The following NDUFB11 variants were observed in gnomAD, a reference collection of about 807,000 sequenced individuals.
NDUFB11 encodes the protein NADH:ubiquinone oxidoreductase subunit B11.
For missense variants in NDUFB11, 108 were observed against 133.8 expected (o/e 0.81, Z 0.95); for synonymous variants, 51 against 57.4 (o/e 0.89, Z 0.51).
chrX:47,144,446 A>ACCCCCCCTCCCCCCC, intron 1 of NDUFB11, 27 bp downstream of exon 1: 1 of 53,658 alleles, frequency 1.9e-5, no homozygotes, highest in Non-Finnish European at 3.3e-5. Flanking sequence ...CGTCCCCACT[A>ACCCCCCCTCCCCCCC]CCCCCCCCCC....
upstream of NDUFB11, chrX:47,144,973 A>C: frequency 3.3e-6 from 1 of 306,494 alleles, no homozygotes. Context: ...TTCCCAGCCA[A>C]TCGCCCCGAG....
chrX:47,142,520 T>C lies in NDUFB11; in HGVS notation c.339-80A>G, dbSNP rs958649902. The C allele has an allele frequency of 7.5e-6, 9 of 1,203,913 alleles. No homozygotes were observed. The South Asian group carries it at 1.3e-4, about 17-fold the overall frequency. ...CCTCATCTCAGCTCCCCATTCCCAA[T>C]GGTGCAGGAACAAAACTCCTGGCAG... On this transcript the variant is annotated intron_variant, in intron 2 of 2. Coordinates refer to ENST00000377811, the MANE Select transcript of NDUFB11 (RefSeq NM_001135998.3).
At chrX:47,145,269 T>G, upstream of NDUFB11, 2 of 511,644 alleles carry the variant, frequency 3.9e-6, no homozygotes, top group Non-Finnish European at 6.8e-6. Context: ...GTCGTCGCCA[T>G]TTTGAGCTGG....
At chrX:47,145,488 G>A (rs1556761639), upstream of NDUFB11, 2 of 1,153,819 alleles carry the variant, frequency 1.7e-6, no homozygotes, top group Non-Finnish European at 1.1e-6. Context: ...CCGAGAAGGT[G>A]AGCGTCGACG....
At position 47,142,291 on chromosome X, in the gene NDUFB11, C is replaced by T; in HGVS notation, c.*26G>A. ...CAGGCAGGGGGTGGGGAAGGCGGTG[C>T]TTCTTGAGCCCCACTTAGCAACTGG... On this transcript the variant is annotated 3_prime_UTR_variant, in exon 3 of 3. Coordinates refer to ENST00000377811, the MANE Select transcript of NDUFB11 (RefSeq NM_001135998.3). 2 of 1,200,081 alleles carry T rather than the reference C, an allele frequency of 1.7e-6. No individual in the cohort carries two copies. Among genetic ancestry groups the T allele is most frequent in the Non-Finnish European group, 2.2e-6 (2 of 891,527 alleles).
rs782584749 is a variant in NDUFB11, at chrX:47,142,470, G to C, written c.339-30C>G. The C allele has an allele frequency of 5.8e-6, 7 of 1,208,212 alleles. No individual in the cohort carries two copies. In the African/African-American group the frequency reaches 1.2e-4, roughly 21 times the overall value. ...TAGTGCAAATAGCAGGGGTAGACGT[G>C]AGGGAGCCTCAACTGATACCAATCC... On this transcript the variant is annotated intron_variant, in intron 2 of 2. Transcript: ENST00000377811.
Position 47,142,310 on chromosome X carries a change from C to T in NDUFB11, c.*7G>A. On this transcript the variant is annotated 3_prime_UTR_variant, in exon 3 of 3. Transcript: ENST00000377811. ...GCGGTGCTTCTTGAGCCCCACTTAG[C>T]AACTGGTCACTCATCCTCTGGCAGC... 8.3e-7 allele frequency: 1 copy of T among 1,206,371 alleles called. No homozygotes were observed. The highest frequency in any genetic ancestry group is 1.1e-6 in the Non-Finnish European group (1 of 893,671).
intron 1 of NDUFB11, 25 bp downstream of exon 1, chrX:47,144,448 C>CA: frequency 6.8e-5 from 1 of 14,716 alleles, no homozygotes; most frequent in Non-Finnish European, 1.4e-4. Context: ...TCCCCACTAC[C>CA]CCCCCCCCCC....
chrX:47,142,820 TC>T, intron 1 of NDUFB11, 76 bp from the exon 2 acceptor site: 1 of 1,059,602 alleles, frequency 9.4e-7, no homozygotes, highest in Non-Finnish European at 1.3e-6. Flanking sequence ...TAACTTGGTC[TC>T]CATGTGCCCC....
upstream of NDUFB11, chrX:47,144,702 CAG>C (rs1931969170): frequency 1.8e-6 from 2 of 1,118,336 alleles, no homozygotes; most frequent in Non-Finnish European, 1.2e-6. Flanking sequence ...TGCAGGGTCT[CAG>C]GGGCGGGGAA....
chrX:47,144,446 A>ACCCCC lies in NDUFB11; in HGVS notation c.207+22_207+26dup, dbSNP rs374822796. 24 of 53,806 alleles carry ACCCCC rather than the reference A, an allele frequency of 4.5e-4. 7 individuals are homozygous for ACCCCC. The highest frequency in any genetic ancestry group is 1.1e-3 in the African/African-American group (3 of 2,842). The allele number at this position is 53,806 out of a possible 1,213,427, so 4.4% of individuals were successfully genotyped here. A position where few individuals can be genotyped will look rare whatever the true frequency, so the allele number is the denominator to read the frequency against. On this transcript the variant is annotated intron_variant, in intron 1 of 2. Coordinates refer to ENST00000377811, the MANE Select transcript of NDUFB11 (RefSeq NM_001135998.3). ...ACCCCTTCGGGGTTCCGTCCCCACT[A>ACCCCC]CCCCCCCCCCCCCCCCCGCCTCTCA...
At position 47,142,444 on chromosome X, in the gene NDUFB11, G is replaced by A; in HGVS notation, c.339-4C>T. 8.3e-7 allele frequency: 1 copy of A among 1,211,741 alleles called. No individual in the cohort carries two copies. The highest frequency in any genetic ancestry group is 2.2e-5 in the Admixed American group (1 of 46,046). On this transcript the variant is annotated splice_region_variant and splice_polypyrimidine_tract_variant and intron_variant, in intron 2 of 2. Transcript: ENST00000377811. ...GCGGCGGGACCACTCTTTCATCCTG[G>A]TAGTGCAAATAGCAGGGGTAGACGT...
upstream of NDUFB11, chrX:47,144,803 T>A: frequency 1.4e-6 from 1 of 699,925 alleles, no homozygotes; most frequent in South Asian, 3.8e-5. Flanking sequence ...CAGATCTGAT[T>A]TGGTTTTCCA....
intron 1 of NDUFB11, 102 bp downstream of exon 1, chrX:47,144,371 T>C (rs1363115767): frequency 1.6e-6 from 1 of 630,808 alleles, no homozygotes; most frequent in Non-Finnish European, 2.2e-6. Context: ...CGCAGTCCTC[T>C]ACTGCCTAAG....
At position 47,142,316 on chromosome X, in the gene NDUFB11, G is replaced by T; in HGVS notation, c.*1C>A. The stretch of plus-strand genomic sequence containing the variant: ...CTTCTTGAGCCCCACTTAGCAACTG[G>T]TCACTCATCCTCTGGCAGCTGGATC... On this transcript the variant is annotated 3_prime_UTR_variant, in exon 3 of 3. Coordinates refer to ENST00000377811, the MANE Select transcript of NDUFB11 (RefSeq NM_001135998.3). 1.7e-6 allele frequency: 2 copies of T among 1,207,645 alleles called. No homozygotes were observed. Among genetic ancestry groups the T allele is most frequent in the Non-Finnish European group, 2.2e-6 (2 of 894,096 alleles).
At chrX:47,144,128 T>TAAA (rs781935812) in intron 1 of NDUFB11, among the ~76,000 whole-genome samples, 2 of 86,409 alleles carry the variant, frequency 2.3e-5, no homozygotes, top group African/African-American at 8.4e-5. Flanking sequence ...CTCGTCCCTA[T>TAAA]AAAAAAAAAA....
At chrX:47,144,811 C>G, upstream of NDUFB11, 2 of 646,315 alleles carry the variant, frequency 3.1e-6, no homozygotes, top group Non-Finnish European at 4.4e-6. Context: ...ATTTGGTTTT[C>G]CAATGAGGCG....
chrX:47,144,710 G>A, upstream of NDUFB11: 1 of 1,107,757 alleles, frequency 9.0e-7, no homozygotes, highest in African/African-American at 1.8e-5. Flanking sequence ...CTCAGGGGCG[G>A]GGAAAGAAAT....
intron 1 of NDUFB11, among the ~76,000 whole-genome samples, chrX:47,143,876 G>A (rs1556760906): frequency 8.9e-6 from 1 of 112,049 alleles, no homozygotes; most frequent in East Asian, 2.8e-4. Flanking sequence ...GTGAGCTAGG[G>A]CAATCCACTT....
Sources: allele counts gnomAD v4.1 joint callset (sites outside exome capture counted in the v4.1 genomes callset), GRCh38; gene constraint gnomAD v4.1.1; transcripts MANE v1.5; gene names NCBI Gene and HGNC (gene_info 2026-07-23, HGNC 2026-07-21).